The following CDKAL1 variants were observed in gnomAD, a reference collection of about 807,000 sequenced individuals.
CDKAL1 encodes the protein CDKAL1 threonylcarbamoyladenosine tRNA methylthiotransferase.
CDKAL1 carries 32 observed loss-of-function variants against 68.2 expected under a neutral mutation model. That is an observed-to-expected ratio of 0.47 (90% CI 0.35 to 0.63). The LOEUF is 0.63. Among genes scored for constraint, CDKAL1 ranks in the 30% least tolerant of loss-of-function variants. CDKAL1 has a pLI of 0.00. For synonymous variants in CDKAL1, 234 were observed against 244.3 expected (o/e 0.96, Z 0.39); for missense variants, 606 against 696.7 (o/e 0.87, Z 1.47).
chr6:20,749,235 G>T (rs1329687835), intron 6 of CDKAL1, among the ~76,000 whole-genome samples: 1 of 152,152 alleles, frequency 6.6e-6, no homozygotes, highest in East Asian at 1.9e-4. Flanking sequence ...TTTGCAAATA[G>T]AATAAAATTT....
chr6:20,963,579 A>G (rs1441468177), intron 10 of CDKAL1, among the ~76,000 whole-genome samples: 1 of 152,234 alleles, frequency 6.6e-6, no homozygotes, highest in Non-Finnish European at 1.5e-5. Flanking sequence ...AAATGAACTT[A>G]TAAATAGACT....
At chr6:21,222,621 G>A (rs1779578472) in intron 15 of CDKAL1, among the ~76,000 whole-genome samples, 1 of 152,150 alleles carries the variant, frequency 6.6e-6, no homozygotes, top group Admixed American at 6.5e-5. Flanking sequence ...GGAATGTCTA[G>A]AAGAATAAAG....
chr6:20,620,358 A>T (rs1767124023), intron 4 of CDKAL1, among the ~76,000 whole-genome samples: 1 of 152,234 alleles, frequency 6.6e-6, no homozygotes, highest in Admixed American at 6.5e-5. Context: ...AAATTCTTAA[A>T]GAATTTAAAT....
intron 4 of CDKAL1, among the ~76,000 whole-genome samples, chr6:20,616,121 T>G (rs1269352711): frequency 1.3e-5 from 2 of 150,000 alleles, no homozygotes; most frequent in Non-Finnish European, 3.0e-5. Context: ...GAGGGCTCTG[T>G]TCTGTTCCAT....
chr6:20,661,723 A>C (rs890254723), intron 5 of CDKAL1, among the ~76,000 whole-genome samples: 1 of 152,328 alleles, frequency 6.6e-6, no homozygotes, highest in South Asian at 2.1e-4. Context: ...AGTTTTGTAG[A>C]TATCCAAAAT....
chr6:21,000,547 C>T (rs942870469), intron 11 of CDKAL1, among the ~76,000 whole-genome samples, 175 bp downstream of exon 11: 1 of 152,134 alleles, frequency 6.6e-6, no homozygotes, highest in Non-Finnish European at 1.5e-5. Flanking sequence ...TTTCTTTCTC[C>T]TCAGTTTATA....
intron 11 of CDKAL1, among the ~76,000 whole-genome samples, chr6:21,063,361 G>A (rs1004010000): frequency 2.6e-5 from 4 of 152,148 alleles, no homozygotes; most frequent in Non-Finnish European, 4.4e-5. Context: ...ATAGAACAAC[G>A]TCTGTGCCAT....
At chr6:21,179,023 T>C (rs1169509160) in intron 13 of CDKAL1, among the ~76,000 whole-genome samples, 2 of 152,248 alleles carry the variant, frequency 1.3e-5, no homozygotes, top group African/African-American at 4.8e-5. Context: ...TTTGAGAAGT[T>C]GAGAAACTCT....
At chr6:20,823,047 C>A (rs1407849010) in intron 8 of CDKAL1, among the ~76,000 whole-genome samples, 1 of 152,174 alleles carries the variant, frequency 6.6e-6, no homozygotes, top group African/African-American at 2.4e-5. Context: ...CTCTAATAAG[C>A]ACACGTACAC....
intron 4 of CDKAL1, among the ~76,000 whole-genome samples, chr6:20,624,970 T>C (rs1767362867): frequency 6.6e-6 from 1 of 152,116 alleles, no homozygotes; most frequent in Non-Finnish European, 1.5e-5. Flanking sequence ...TTAGGAAATA[T>C]ACTCACCTCC....
intron 8 of CDKAL1, among the ~76,000 whole-genome samples, chr6:20,822,167 G>C (rs183669962): frequency 6.6e-6 from 1 of 152,098 alleles, no homozygotes; most frequent in African/African-American, 2.4e-5. Flanking sequence ...CCCTGATATA[G>C]AGAGCATTAT....
At chr6:20,609,237 T>C (rs1489527715) in intron 4 of CDKAL1, among the ~76,000 whole-genome samples, 5 of 116,664 alleles carry the variant, frequency 4.3e-5, no homozygotes, top group African/African-American at 1.4e-4. Flanking sequence ...TTCTTCCTTC[T>C]TCCTTCCTTC....
At chr6:21,186,488 G>A (rs1448765806) in intron 13 of CDKAL1, among the ~76,000 whole-genome samples, 1 of 152,172 alleles carries the variant, frequency 6.6e-6, no homozygotes, top group African/African-American at 2.4e-5. Flanking sequence ...CAGCCACACT[G>A]AATGGAAAAT....
intron 9 of CDKAL1, among the ~76,000 whole-genome samples, chr6:20,890,128 G>A (rs1026544632): frequency 6.6e-6 from 1 of 152,180 alleles, no homozygotes; most frequent in Non-Finnish European, 1.5e-5. Flanking sequence ...AAATAATCCT[G>A]AGCTTCGAAG....
chr6:21,108,422 C>T lies in CDKAL1; in HGVS notation c.1258C>T (p.Leu420Phe), dbSNP rs766230504. The T allele has an allele frequency of 1.2e-5, 20 of 1,604,438 alleles. No homozygotes were observed. The highest frequency in any genetic ancestry group is 1.5e-5 in the Non-Finnish European group (18 of 1,176,902). The change falls in exon 13 of 16, where the codon CTT becomes TTT. Residue 420 changes from leucine to phenylalanine, a missense_variant. Coordinates refer to ENST00000274695, the MANE Select transcript of CDKAL1 (RefSeq NM_017774.3). ...AQVKKQRTKD[L>F]SRVFHSYSPY... ...ACAGAAAAAGCAAAGGACAAAAGATCTTTCTCGGGTGTTTCATTCTTACAG... is the reference window on the plus strand; with the variant it reads ...ACAGAAAAAGCAAAGGACAAAAGATTTTTCTCGGGTGTTTCATTCTTACAG...
At chr6:21,072,101 G>A (rs1771806608) in intron 12 of CDKAL1, among the ~76,000 whole-genome samples, 1 of 152,134 alleles carries the variant, frequency 6.6e-6, no homozygotes, top group Non-Finnish European at 1.5e-5. Context: ...AAATTCTATG[G>A]TGATTTTACC....
intron 5 of CDKAL1, among the ~76,000 whole-genome samples, chr6:20,675,072 T>G (rs991141851): frequency 6.6e-6 from 1 of 152,142 alleles, no homozygotes; most frequent in African/African-American, 2.4e-5. Flanking sequence ...TCATATGGTT[T>G]TTTTTTTAAA....
intron 13 of CDKAL1, among the ~76,000 whole-genome samples, chr6:21,146,981 A>G (rs1474856738): frequency 6.6e-6 from 1 of 151,844 alleles, no homozygotes; most frequent in African/African-American, 2.4e-5. Context: ...CCAAGTCTAC[A>G]TTTTTGGAAG....
At chr6:20,863,548 T>C (rs1759756356) in intron 9 of CDKAL1, among the ~76,000 whole-genome samples, 1 of 152,196 alleles carries the variant, frequency 6.6e-6, no homozygotes, top group Non-Finnish European at 1.5e-5. Context: ...GCCTTACTAA[T>C]TGGAAGCAGC....
Sources: allele counts gnomAD v4.1 joint callset (sites outside exome capture counted in the v4.1 genomes callset), GRCh38; gene constraint gnomAD v4.1.1; transcripts MANE v1.5; gene names NCBI Gene and HGNC (gene_info 2026-07-23, HGNC 2026-07-21).